The following CLMN variants were observed in gnomAD, a reference collection of about 807,000 sequenced individuals.
CLMN encodes the protein calmin (calponin-like, transmembrane).
In CLMN, 57 loss-of-function variants were observed where a neutral mutation model predicts 92.7. The observed-to-expected ratio is 0.61, with a 90% CI of 0.50 to 0.77. CLMN has a LOEUF of 0.77. Ranked by LOEUF, CLMN falls within the 30% of genes least tolerant of loss-of-function variation. The pLI is 0.00. For missense variants in CLMN, 1,158 were observed against 1,237.5 expected (o/e 0.94, Z 0.96); for synonymous variants, 466 against 470.6 (o/e 0.99, Z 0.13).
intron 6 of CLMN, 77 bp from the exon 7 acceptor site, chr14:95,210,956 G>A: frequency 6.9e-7 from 1 of 1,443,384 alleles, no homozygotes; most frequent in South Asian, 1.5e-5. Flanking sequence ...GCATGCAGCA[G>A]CCGCGTGAGT....
At chr14:95,296,848 G>C (rs901672723) in intron 1 of CLMN, among the ~76,000 whole-genome samples, 1 of 152,168 alleles carries the variant, frequency 6.6e-6, no homozygotes, top group Admixed American at 6.5e-5. Flanking sequence ...GTTGTTTCAG[G>C]TTTCCTGTAA....
chr14:95,259,813 C>T lies in CLMN; in HGVS notation c.83-29680G>A, dbSNP rs1899178763. Among the ~76,000 whole-genome samples the T allele has an allele frequency of 6.6e-6, 1 of 152,202 alleles. No homozygotes were observed. Among genetic ancestry groups the T allele is most frequent in the African/African-American group, 2.4e-5 (1 of 41,440 alleles). On this transcript the variant is annotated intron_variant, in intron 1 of 12. Coordinates refer to ENST00000298912, the MANE Select transcript of CLMN (RefSeq NM_024734.4). The surrounding 1 kb of genome is among the most constrained non-coding windows in gnomAD (Gnocchi z 4.3). ...CTCAGGACTCTTCAGCATTAAAATG[C>T]ATGGCCAGCTGCACCTGCGTTTCCT...
chr14:95,260,569 G>C (rs1437306557), intron 1 of CLMN: 1 of 152,208 alleles, frequency 6.6e-6, no homozygotes, highest in East Asian at 1.9e-4. Context: ...TAGTCTTCAG[G>C]GAGCTTGTGA....
chr14:95,306,252 C>T (rs1901271045), intron 1 of CLMN, among the ~76,000 whole-genome samples: 1 of 152,170 alleles, frequency 6.6e-6, no homozygotes, highest in Admixed American at 6.5e-5. Flanking sequence ...TGGCTCATGC[C>T]TGTAATCTCA....
At chr14:95,263,049 C>A (rs541808220) in intron 1 of CLMN, among the ~76,000 whole-genome samples, 1 of 152,196 alleles carries the variant, frequency 6.6e-6, no homozygotes, top group East Asian at 1.9e-4. Flanking sequence ...AACTGCCCAG[C>A]GCATATGTGG....
In CLMN at chr14:95,285,964, G is replaced by T. The variant is rs943102413; in HGVS notation, c.82+33747C>A. Among the ~76,000 whole-genome samples, 7 of 152,264 alleles carry T rather than the reference G, an allele frequency of 4.6e-5. No homozygotes were observed. The South Asian group carries it at 6.2e-4, about 14-fold the overall frequency. On this transcript the variant is annotated intron_variant, in intron 1 of 12. Coordinates refer to ENST00000298912, the MANE Select transcript of CLMN (RefSeq NM_024734.4). The stretch of plus-strand genomic sequence containing the variant: ...CAATTGATTCATATAGGACCACATG[G>T]TAAAGTGCATGCAAGATCATCTCTG...
chr14:95,240,407 G>A lies in CLMN; in HGVS notation c.83-10274C>T, dbSNP rs147093928. ...TTCCAGGTATACCACTTCCAGACATGGCCCCAAACAAAATCCCACACAACC... is the reference window on the plus strand; with the variant it reads ...TTCCAGGTATACCACTTCCAGACATAGCCCCAAACAAAATCCCACACAACC... On this transcript the variant is annotated intron_variant, in intron 1 of 12. Transcript: ENST00000298912. Among the ~76,000 whole-genome samples the A allele has an allele frequency of 2.0e-5, 3 of 152,142 alleles. No homozygotes were observed. In the East Asian group the frequency reaches 5.8e-4, roughly 29 times the overall value.
chr14:95,223,780 C>T lies in CLMN; in HGVS notation c.220G>A (p.Val74Ile), dbSNP rs1238577004. 4 of 1,613,690 alleles carry T rather than the reference C, an allele frequency of 2.5e-6. No individual in the cohort carries two copies. The South Asian group carries it at 4.4e-5, about 18-fold the overall frequency. ...CGTACCAGATTCCGCCCAGACAGGA[C>T]TTCTAACAAAGCCATTAGGATTTTG... ...DGKILMALLE[V>I]LSGRNLLHEY... The change falls in exon 3 of 13, where the codon GTC becomes ATC. Residue 74 changes from valine to isoleucine, a missense_variant. Val to Ile is a conservative substitution (Grantham distance 29). Coordinates refer to ENST00000298912, the MANE Select transcript of CLMN (RefSeq NM_024734.4).
chr14:95,231,116 C>T (rs1049612095), intron 1 of CLMN, among the ~76,000 whole-genome samples: 4 of 152,056 alleles, frequency 2.6e-5, no homozygotes, highest in African/African-American at 9.7e-5. Flanking sequence ...CTGGCCTGCA[C>T]AGCAGGTGGT....
chr14:95,244,615 CA>C (rs1384597480), intron 1 of CLMN, among the ~76,000 whole-genome samples: 3 of 152,182 alleles, frequency 2.0e-5, no homozygotes, highest in Non-Finnish European at 4.4e-5. Context: ...AAATCCAGTA[CA>C]ATGGAAGGTT....
At position 95,189,176 on chromosome 14, in the gene CLMN, G is replaced by GT. The variant is rs1896505463; in HGVS notation, c.*2387dup. On this transcript the variant is annotated 3_prime_UTR_variant, in exon 13 of 13. Transcript: ENST00000298912. The stretch of plus-strand genomic sequence containing the variant: ...TACTGGAAAACCAAAGCACGGTATG[G>GT]TAAGAGTGAAATCCTCCTCTACTGT... The GT allele has an allele frequency of 1.3e-5, 2 of 152,112 alleles. No individual in the cohort carries two copies. Among genetic ancestry groups the GT allele is most frequent in the Non-Finnish European group, 1.5e-5 (1 of 68,032 alleles). 9.4% of individuals were successfully genotyped at this position (152,112 alleles called of 1,614,324 possible).
rs184221162 is a variant in CLMN at position 95,252,958 on chromosome 14, C to T, written c.83-22825G>A. On this transcript the variant is annotated intron_variant, in intron 1 of 12. Transcript: ENST00000298912. ...TCTGAAGCCATGCCCTGGAATAAGC[C>T]GTAACTGTGAAGTATAACAGTGTTC... 1.2e-4 allele frequency among the ~76,000 whole-genome samples: 19 copies of T among 152,220 alleles called. No individual in the cohort carries two copies. The East Asian group carries it at 3.5e-3, about 28-fold the overall frequency.
At chr14:95,279,159 TAAA>T (rs936121889) in intron 1 of CLMN, among the ~76,000 whole-genome samples, 8 of 152,190 alleles carry the variant, frequency 5.3e-5, no homozygotes, top group Admixed American at 1.3e-4. Context: ...GTCAGAAAAA[TAAA>T]AACTTTAATA....
intron 1 of CLMN, among the ~76,000 whole-genome samples, chr14:95,319,328 CACACACACACACAG>C (rs942489014): frequency 5.9e-5 from 9 of 151,790 alleles, no homozygotes; most frequent in African/African-American, 2.2e-4. Context: ...CACACACACA[CACACACACACACAG>C]AGTCGCACTG....
chr14:95,225,286 G>A (rs1897675425), intron 2 of CLMN, among the ~76,000 whole-genome samples: 1 of 152,170 alleles, frequency 6.6e-6, no homozygotes, highest in Admixed American at 6.5e-5. Flanking sequence ...TTCAAAGCCA[G>A]GCTCTACCTT....
chr14:95,278,402 C>T (rs537578864), intron 1 of CLMN, among the ~76,000 whole-genome samples: 4 of 152,172 alleles, frequency 2.6e-5, no homozygotes, highest in East Asian at 1.9e-4. Flanking sequence ...TGAACTGAGT[C>T]GTTTTTCTCC....
At chr14:95,214,406 G>C (rs534107593) in intron 5 of CLMN, among the ~76,000 whole-genome samples, 1 of 143,838 alleles carries the variant, frequency 7.0e-6, no homozygotes, top group Admixed American at 7.2e-5. Context: ...CTGGAGTGCA[G>C]TGGCATGATC....
intron 1 of CLMN, among the ~76,000 whole-genome samples, chr14:95,284,495 C>T (rs1900263919): frequency 6.6e-6 from 1 of 152,202 alleles, no homozygotes; most frequent in South Asian, 2.1e-4. Context: ...ACACTCAACA[C>T]CAGCATGTGA....
At chr14:95,304,001 A>G (rs1901169781) in intron 1 of CLMN, among the ~76,000 whole-genome samples, 1 of 152,240 alleles carries the variant, frequency 6.6e-6, no homozygotes. Context: ...TCTAGGTGGT[A>G]GCAAGAAGGA....
Sources: allele counts gnomAD v4.1 joint callset (sites outside exome capture counted in the v4.1 genomes callset), GRCh38; gene constraint gnomAD v4.1.1; non-coding constraint Gnocchi (gnomAD v3.1); transcripts MANE v1.5; gene names NCBI Gene and HGNC (gene_info 2026-07-23, HGNC 2026-07-21).